The following PKNOX2 variants were observed in gnomAD, a reference collection of about 807,000 sequenced individuals.
PKNOX2 encodes the protein PBX/knotted 1 homeobox 2, also known as homeobox protein PKNOX2.
PKNOX2 carries 14 observed loss-of-function variants against 53.1 expected under a neutral mutation model. The observed-to-expected ratio is 0.26, with a 90% confidence interval of 0.17 to 0.41. The LOEUF (loss-of-function observed/expected upper bound fraction) is 0.41. Ranked by LOEUF, PKNOX2 falls within the 10% of genes least tolerant of loss-of-function variation. The pLI is 1.00. For missense variants in PKNOX2, 496 were observed against 602.8 expected (o/e 0.82, Z 1.85); for synonymous variants, 257 against 242.8 (o/e 1.06, Z -0.54).
chr11:125,175,250 AAGAAGGAAGGAAGGAG>A (rs1408786638), intron 1 of PKNOX2, among the ~76,000 whole-genome samples: 1 of 82,938 alleles, frequency 1.2e-5, no homozygotes, highest in Non-Finnish European at 2.8e-5. Flanking sequence ...GAAGGAAGGA[AAGAAGGAAGGAAGGAG>A]GGAGAGCTTC....
rs146764636 is a variant in PKNOX2 at position 125,335,620 on chromosome 11, C to T, written c.-23+3695C>T. On this transcript the variant is annotated intron_variant, in intron 3 of 12. Coordinates refer to ENST00000298282, the MANE Select transcript of PKNOX2 (RefSeq NM_001382323.2). ...ACTTAGAGTTGTTACTTGAAATATG[C>T]ACAAAATAGTTCTTATCTACTGCAA... is the stretch of plus-strand genomic sequence containing the variant. 2.0e-5 allele frequency among the ~76,000 whole-genome samples: 3 copies of T among 152,266 alleles called. No individual in the cohort carries two copies. The East Asian group carries it at 5.8e-4, about 29-fold the overall frequency.
intron 2 of PKNOX2, among the ~76,000 whole-genome samples, chr11:125,270,092 A>T (rs1208823863): frequency 1.3e-5 from 2 of 152,114 alleles, no homozygotes; most frequent in African/African-American, 4.8e-5. Flanking sequence ...ATCTTAAGGA[A>T]TCCATCTATC....
At chr11:125,363,083 G>A (rs7115699) in intron 4 of PKNOX2, among the ~76,000 whole-genome samples, 2,670 of 152,306 alleles carry the variant, frequency 0.018, 52 homozygotes, top group African/African-American at 0.045. Flanking sequence ...CTACGAGAGG[G>A]ACGTGCATGG....
chr11:125,260,430 C>T (rs1944758529), intron 2 of PKNOX2, among the ~76,000 whole-genome samples: 1 of 151,880 alleles, frequency 6.6e-6, no homozygotes, highest in African/African-American at 2.4e-5. Flanking sequence ...ATCTCCTGAC[C>T]TCGTGATCTG....
intron 3 of PKNOX2, among the ~76,000 whole-genome samples, chr11:125,347,441 A>G (rs1386284651): frequency 6.6e-6 from 1 of 152,144 alleles, no homozygotes; most frequent in African/African-American, 2.4e-5. Flanking sequence ...CATGTCAACA[A>G]GTCCTAATGA....
chr11:125,167,782 C>T (rs1955004919), intron 1 of PKNOX2, among the ~76,000 whole-genome samples: 1 of 152,112 alleles, frequency 6.6e-6, no homozygotes, highest in Admixed American at 6.5e-5. Flanking sequence ...CCAGTACCTC[C>T]CCTTTACTCT....
intron 4 of PKNOX2, among the ~76,000 whole-genome samples, chr11:125,353,559 G>T (rs1951429755): frequency 6.6e-6 from 1 of 152,198 alleles, no homozygotes. Context: ...TGAGGAAGAA[G>T]GGAGTCTCCA....
chr11:125,301,602 G>A (rs952236796), intron 2 of PKNOX2, among the ~76,000 whole-genome samples: 1 of 151,982 alleles, frequency 6.6e-6, no homozygotes, highest in African/African-American at 2.4e-5. Context: ...AGAAACACAC[G>A]CAAGTATATG....
intron 6 of PKNOX2, among the ~76,000 whole-genome samples, chr11:125,388,206 G>A (rs1370782818): frequency 6.6e-6 from 1 of 152,062 alleles, no homozygotes; most frequent in Non-Finnish European, 1.5e-5. Flanking sequence ...AACCACCGGA[G>A]CCATCATTAG....
intron 8 of PKNOX2, 89 bp downstream of exon 8, chr11:125,410,414 C>G: frequency 6.4e-7 from 1 of 1,553,598 alleles, no homozygotes; most frequent in South Asian, 1.2e-5. Flanking sequence ...TGGGGGTTGT[C>G]CTCCACCGAG....
At chr11:125,375,772 G>A (rs1299742623) in intron 5 of PKNOX2, among the ~76,000 whole-genome samples, 1 of 152,188 alleles carries the variant, frequency 6.6e-6, no homozygotes, top group Non-Finnish European at 1.5e-5. Context: ...TGAATTTCTG[G>A]TGACTTGGCT....
Position 125,370,591 on chromosome 11 carries a change from C to T in PKNOX2, c.227+2606C>T, listed in dbSNP as rs1952472002. Among the ~76,000 whole-genome samples, 1 of 152,236 alleles carries T rather than the reference C, an allele frequency of 6.6e-6. No individual in the cohort carries two copies. ...ACGCGGCTGCCCCAGCACCTCAGGA[C>T]ACCGAGCTGACAGCAGCACCATGCT... On this transcript the variant is annotated intron_variant, in intron 5 of 12. Coordinates refer to ENST00000298282, the MANE Select transcript of PKNOX2 (RefSeq NM_001382323.2). The surrounding 1 kb of genome is among the most constrained non-coding windows in gnomAD (Gnocchi z 4.1).
intron 2 of PKNOX2, among the ~76,000 whole-genome samples, chr11:125,308,624 C>T (rs1228481869): frequency 6.6e-6 from 1 of 152,196 alleles, no homozygotes; most frequent in African/African-American, 2.4e-5. Context: ...GAAATATCTT[C>T]CCCACTCAGG....
intron 4 of PKNOX2, among the ~76,000 whole-genome samples, chr11:125,359,830 C>T (rs1951825228): frequency 6.6e-6 from 1 of 152,220 alleles, no homozygotes; most frequent in African/African-American, 2.4e-5. Flanking sequence ...CTGGCACCTA[C>T]TCTGCCATGT....
intron 4 of PKNOX2, among the ~76,000 whole-genome samples, chr11:125,360,146 CAAAAAAAAAA>C (rs547553077): frequency 3.7e-5 from 3 of 80,662 alleles, no homozygotes; most frequent in African/African-American, 1.3e-4. Context: ...AACTCCATCT[CAAAAAAAAAA>C]AAAAGAAAAA....
At chr11:125,235,296 C>T (rs141281616) in intron 2 of PKNOX2, among the ~76,000 whole-genome samples, 181 bp downstream of exon 2, 62 of 152,320 alleles carry the variant, frequency 4.1e-4, no homozygotes, top group Admixed American at 6.5e-4. Context: ...GACAAAGAGG[C>T]CCTGTAATAT....
At chr11:125,224,739 A>G (rs996530031) in intron 1 of PKNOX2, among the ~76,000 whole-genome samples, 6 of 152,224 alleles carry the variant, frequency 3.9e-5, no homozygotes, top group African/African-American at 7.2e-5. Flanking sequence ...GCAGAGAATC[A>G]GCATCCCAGA....
At chr11:125,309,572 G>C (rs1231626839) in intron 2 of PKNOX2, among the ~76,000 whole-genome samples, 1 of 151,996 alleles carries the variant, frequency 6.6e-6, no homozygotes, top group Non-Finnish European at 1.5e-5. Flanking sequence ...TTTTTTAGTA[G>C]AGACAGGGTT....
At chr11:125,259,377 C>CT (rs1354119030) in intron 2 of PKNOX2, among the ~76,000 whole-genome samples, 2 of 152,148 alleles carry the variant, frequency 1.3e-5, no homozygotes, top group African/African-American at 4.8e-5. Context: ...GCTCTGACAA[C>CT]TTTTTTTATT....
Sources: allele counts gnomAD v4.1 joint callset (sites outside exome capture counted in the v4.1 genomes callset), GRCh38; gene constraint gnomAD v4.1.1; non-coding constraint Gnocchi (gnomAD v3.1); transcripts MANE v1.5; gene names NCBI Gene and HGNC (gene_info 2026-07-23, HGNC 2026-07-21).